DZIP3: variants seen among roughly 807,000 people sequenced by gnomAD.
DZIP3 encodes DAZ interacting zinc finger protein 3, also known as E3 ubiquitin-protein ligase DZIP3.
A neutral mutation model predicts 162.0 loss-of-function variants in DZIP3; 118 were observed. The ratio of observed to expected loss-of-function variants is 0.73; its 90% confidence interval spans 0.63 to 0.85. The LOEUF is 0.85. Among genes scored for constraint, DZIP3 ranks in the 40% least tolerant of loss-of-function variants. DZIP3 has a pLI of 0.00. For missense variants in DZIP3, 1,331 were observed against 1,407.0 expected, an observed-to-expected ratio of 0.95 and a Z score of 0.86; for synonymous variants, 438 against 458.6, an observed-to-expected ratio of 0.96 and a Z score of 0.57.
chr3:108,630,391 T>C (rs1241010542), intron 8 of DZIP3, among the ~76,000 whole-genome samples: 1 of 152,070 alleles, frequency 6.6e-6, no homozygotes, highest in African/African-American at 2.4e-5. Context: ...AATTCAATTA[T>C]CCAGGAAGAT....
chr3:108,661,626 A>G (rs912955218), intron 19 of DZIP3, among the ~76,000 whole-genome samples: 1 of 151,910 alleles, frequency 6.6e-6, no homozygotes, highest in African/African-American at 2.4e-5. Context: ...CCTAAAACTT[A>G]AAGTATAATA....
intron 26 of DZIP3, among the ~76,000 whole-genome samples, chr3:108,682,128 G>T (rs1944337521): frequency 6.6e-6 from 1 of 150,848 alleles, no homozygotes; most frequent in African/African-American, 2.5e-5. Flanking sequence ...GATATCAAAT[G>T]TTGGCGATGA....
intron 21 of DZIP3, among the ~76,000 whole-genome samples, chr3:108,663,890 C>T (rs1943556620): frequency 6.6e-6 from 1 of 152,154 alleles, no homozygotes; most frequent in Admixed American, 6.5e-5. Flanking sequence ...GTAGAAGATA[C>T]CAAGATGTGT....
intron 18 of DZIP3, among the ~76,000 whole-genome samples, chr3:108,652,043 G>A (rs1443391283): frequency 1.8e-5 from 2 of 111,758 alleles, no homozygotes; most frequent in Admixed American, 8.5e-5. Context: ...TGGAGCAATA[G>A]TTTTGTTTTG....
At chr3:108,689,042 G>A (rs1944596250) in intron 31 of DZIP3, 118 bp downstream of exon 31, 1 of 957,808 alleles carries the variant, frequency 1.0e-6, no homozygotes, top group African/African-American at 1.6e-5. Context: ...ATATAACTCT[G>A]AGCTTTTGGG....
At position 108,687,396 on chromosome 3, in the gene DZIP3, T is replaced by G. The variant is rs141137131; in HGVS notation, c.3150-580T>G. ...TACTTTGTCCCATCAAAACTGTAGA[T>G]GCAGGCTTTGGATCAATGGATCTTG... On this transcript the variant is annotated intron_variant, in intron 28 of 32. Coordinates refer to ENST00000361582, the MANE Select transcript of DZIP3 (RefSeq NM_014648.4). Among the ~76,000 whole-genome samples, 1,471 of 152,242 alleles carry G rather than the reference T, an allele frequency of 9.7e-3. 19 individuals carry two copies. Among genetic ancestry groups the G allele is most frequent in the African/African-American group, 0.034 (1,394 of 41,548 alleles).
chr3:108,623,542 C>T (rs1223899704), intron 5 of DZIP3, among the ~76,000 whole-genome samples: 1 of 152,220 alleles, frequency 6.6e-6, no homozygotes, highest in African/African-American at 2.4e-5. Context: ...TTACTCTTCT[C>T]TCTCCTCTGC....
Position 108,654,260 on chromosome 3 carries a change from G to A in DZIP3, c.2149G>A (p.Asp717Asn). The change falls in exon 19 of 33, where the codon GAC becomes AAC. Residue 717 changes from aspartate (D) to asparagine (N), a missense_variant. Asp to Asn is a conservative substitution (Grantham distance 23). Around this residue, in one of 2 missense-constraint regions of DZIP3, gnomAD observed 1,278 missense variants for 1,317.1 expected, o/e 0.97. Transcript: ENST00000361582. Reference protein sequence around the residue: ...SDVQEDSAMEDKFYSLDELHI... With the variant: ...SDVQEDSAMENKFYSLDELHI... ...TGTTCAAGAGGATTCTGCAATGGAA[G>A]ACAAGTTCTATAGCCTGGATGAATT... 1 of 1,613,820 alleles carries A rather than the reference G, an allele frequency of 6.2e-7. No homozygotes were observed. Among genetic ancestry groups the A allele is most frequent in the Non-Finnish European group, 8.5e-7 (1 of 1,179,764 alleles).
chr3:108,618,428 TA>T (rs143190140), intron 5 of DZIP3, among the ~76,000 whole-genome samples: 1,669 of 152,308 alleles, frequency 0.011, 27 homozygotes, highest in African/African-American at 0.038. Context: ...TTGTAAAAAT[TA>T]GCCCTTTTAC....
chr3:108,674,928 A>T (rs1053584424), intron 24 of DZIP3, among the ~76,000 whole-genome samples: 1 of 151,916 alleles, frequency 6.6e-6, no homozygotes, highest in African/African-American at 2.4e-5. Flanking sequence ...GATTATCAGG[A>T]TATACTGATG....
At chr3:108,613,289 A>G (rs900477990) in intron 4 of DZIP3, among the ~76,000 whole-genome samples, 1 of 152,174 alleles carries the variant, frequency 6.6e-6, no homozygotes, top group Non-Finnish European at 1.5e-5. Flanking sequence ...CTAAGTCTAA[A>G]GTTCACATGG....
chr3:108,690,028 A>T (rs1944633571), intron 31 of DZIP3, among the ~76,000 whole-genome samples: 1 of 152,198 alleles, frequency 6.6e-6, no homozygotes. Context: ...TCTAGGAAAG[A>T]TCCTTAGCCA....
At chr3:108,675,387 G>T (rs569621491) in intron 24 of DZIP3, among the ~76,000 whole-genome samples, 2 of 152,100 alleles carry the variant, frequency 1.3e-5, no homozygotes, top group African/African-American at 4.8e-5. Context: ...TTTGATGTCA[G>T]AGTTAATGTG....
At chr3:108,661,176 A>G (rs1452519850) in intron 19 of DZIP3, among the ~76,000 whole-genome samples, 1 of 152,236 alleles carries the variant, frequency 6.6e-6, no homozygotes, top group Non-Finnish European at 1.5e-5. Flanking sequence ...CTATAAAGAT[A>G]CATGCACACG....
At chr3:108,600,033 A>T (rs1559715929) in intron 1 of DZIP3, among the ~76,000 whole-genome samples, 1 of 152,188 alleles carries the variant, frequency 6.6e-6, no homozygotes, top group Non-Finnish European at 1.5e-5. Context: ...TAAAATTCTG[A>T]TTCCAAGGAA....
chr3:108,682,243 A>G (rs1944343997), intron 26 of DZIP3, among the ~76,000 whole-genome samples: 1 of 150,840 alleles, frequency 6.6e-6, no homozygotes, highest in Admixed American at 6.6e-5. Flanking sequence ...AAATACAACT[A>G]CCATATGCTC....
chr3:108,608,644 A>C (rs1324456267), intron 3 of DZIP3, among the ~76,000 whole-genome samples: 1 of 152,198 alleles, frequency 6.6e-6, no homozygotes, highest in Admixed American at 6.5e-5. Context: ...TGAATTATAC[A>C]TAAAAGGCTT....
intron 1 of DZIP3, among the ~76,000 whole-genome samples, chr3:108,590,742 A>G (rs922758391): frequency 1.3e-5 from 2 of 152,348 alleles, no homozygotes; most frequent in African/African-American, 4.8e-5. Context: ...TTGCTTACAG[A>G]TTCTAGCTCC....
At chr3:108,663,457 G>A (rs1205029613) in intron 21 of DZIP3, among the ~76,000 whole-genome samples, 7 of 151,846 alleles carry the variant, frequency 4.6e-5, no homozygotes, top group African/African-American at 1.5e-4. Context: ...TCGGGAGGCT[G>A]AGGCAGGAGA....
Sources: allele counts gnomAD v4.1 joint callset (sites outside exome capture counted in the v4.1 genomes callset), GRCh38; gene constraint gnomAD v4.1.1; regional missense constraint gnomAD v4.1.1; transcripts MANE v1.5; gene names NCBI Gene and HGNC (gene_info 2026-07-23, HGNC 2026-07-21).